The following WWC2 variants were observed in gnomAD, a reference collection of about 807,000 sequenced individuals.
WWC2 encodes protein WWC2.
WWC2 carries 101 observed loss-of-function variants against 138.5 expected under a neutral mutation model. The observed-to-expected ratio is 0.73, with a 90% confidence interval of 0.62 to 0.86. The LOEUF (loss-of-function observed/expected upper bound fraction) is 0.86. Ranked by LOEUF, WWC2 falls within the 40% of genes least tolerant of loss-of-function variation. The probability of loss-of-function intolerance (pLI) is 0.00; values close to 1 mark genes in which losing one functional copy is unlikely to be tolerated. For missense variants in WWC2, 1,420 were observed against 1,419.4 expected, an observed-to-expected ratio of 1.00 and a Z score of -0.01; for synonymous variants, 558 against 538.4, an observed-to-expected ratio of 1.04 and a Z score of -0.50.
chr4:183,255,264 A>G lies in WWC2; in HGVS notation c.1196+1265A>G, dbSNP rs964083754. 2.0e-5 allele frequency among the ~76,000 whole-genome samples: 3 copies of G among 152,238 alleles called. No homozygotes were observed. The East Asian group carries it at 5.8e-4, about 29-fold the overall frequency. ...GTCTAATTTTGCTGACCAAACGGTCAGCCTGAGGGAAGTGTCAGCCAGGCT... is the reference window on the plus strand; with the variant it reads ...GTCTAATTTTGCTGACCAAACGGTCGGCCTGAGGGAAGTGTCAGCCAGGCT... On this transcript the variant is annotated intron_variant, in intron 9 of 22. Coordinates refer to ENST00000403733, the MANE Select transcript of WWC2 (RefSeq NM_024949.6).
In WWC2 at chr4:183,268,878, AT is replaced by A; in HGVS notation, c.2208-89del. ...TTGATCTTGAACTCCACGATCCCTC[AT>A]TTTCTCTCTTTGCAGATAATTTCAA... On this transcript the variant is annotated intron_variant, in intron 14 of 22. Transcript: ENST00000403733. The A allele has an allele frequency of 8.3e-6, 11 of 1,320,180 alleles. No homozygotes were observed. In the South Asian group the frequency reaches 1.5e-4, roughly 18 times the overall value. 81.8% of individuals were successfully genotyped at this position (1,320,180 alleles called of 1,614,324 possible). A position where few individuals can be genotyped will look rare whatever the true frequency, so the allele number is the denominator to read the frequency against.
At chr4:183,265,595 G>A in intron 12 of WWC2, 93 bp from the exon 13 acceptor site, 2 of 1,315,006 alleles carry the variant, frequency 1.5e-6, no homozygotes, top group Admixed American at 4.0e-5. Context: ...TGTTAATTTG[G>A]ATTTTCATTC....
At chr4:183,285,695 G>T (rs1288713560) in intron 19 of WWC2, among the ~76,000 whole-genome samples, 1 of 152,102 alleles carries the variant, frequency 6.6e-6, no homozygotes, top group Admixed American at 6.5e-5. Context: ...AGGTGGCAGA[G>T]GTTGCAATGA....
intron 16 of WWC2, among the ~76,000 whole-genome samples, chr4:183,278,597 T>C (rs1266729900): frequency 6.6e-6 from 1 of 151,778 alleles, no homozygotes. Flanking sequence ...ATATTGATTC[T>C]TCCTACCCAT....
intron 16 of WWC2, among the ~76,000 whole-genome samples, chr4:183,280,407 T>TTA (rs1173982715): frequency 2.8e-4 from 43 of 152,016 alleles, no homozygotes; most frequent in Non-Finnish European, 7.4e-5. Context: ...GAACTCAATT[T>TTA]TAGTCTTCAT....
chr4:183,231,160 G>C (rs748689584), intron 4 of WWC2, among the ~76,000 whole-genome samples: 1 of 151,504 alleles, frequency 6.6e-6, no homozygotes, highest in Non-Finnish European at 1.5e-5. Context: ...AATAGCTAAG[G>C]TGGGCTTATC....
chr4:183,237,497 C>T (rs773351616), intron 4 of WWC2, among the ~76,000 whole-genome samples: 7 of 152,220 alleles, frequency 4.6e-5, no homozygotes, highest in Non-Finnish European at 1.0e-4. Flanking sequence ...ATTCATATTA[C>T]ACCACCTTTA....
At chr4:183,205,485 G>T (rs1735423076) in intron 2 of WWC2, among the ~76,000 whole-genome samples, 2 of 152,112 alleles carry the variant, frequency 1.3e-5, no homozygotes, top group Non-Finnish European at 2.9e-5. Context: ...TTTTTCTCCA[G>T]ATTATGGGCC....
intron 21 of WWC2, among the ~76,000 whole-genome samples, chr4:183,303,049 A>G (rs891520637): frequency 5.7e-5 from 8 of 139,304 alleles, no homozygotes; most frequent in African/African-American, 2.2e-4. Flanking sequence ...TGACAGAGCG[A>G]GACTCCATCT....
intron 1 of WWC2, among the ~76,000 whole-genome samples, chr4:183,145,548 T>A (rs1733429334): frequency 6.6e-6 from 1 of 152,188 alleles, no homozygotes; most frequent in Non-Finnish European, 1.5e-5. Flanking sequence ...GTGGTCACAA[T>A]ATAGCCACAT....
chr4:183,149,530 GA>G (rs1432334426), intron 1 of WWC2, among the ~76,000 whole-genome samples: 1 of 151,826 alleles, frequency 6.6e-6, no homozygotes, highest in African/African-American at 2.4e-5. Context: ...GCTGAGGCAG[GA>G]GAATCGCTTG....
chr4:183,195,026 T>TAATATCTAATA (rs1735097445), intron 2 of WWC2, among the ~76,000 whole-genome samples: 1 of 152,232 alleles, frequency 6.6e-6, no homozygotes, highest in Admixed American at 6.5e-5. Context: ...TTAAGTTAGC[T>TAATATCTAATA]TTTAATTTTT....
chr4:183,185,412 A>T (rs1176286127), intron 1 of WWC2, among the ~76,000 whole-genome samples: 1 of 152,216 alleles, frequency 6.6e-6, no homozygotes, highest in Non-Finnish European at 1.5e-5. Context: ...TAAAGCATAC[A>T]GTTTTGCCTA....
At chr4:183,119,396 C>T (rs999448629) in intron 1 of WWC2, among the ~76,000 whole-genome samples, 2 of 152,090 alleles carry the variant, frequency 1.3e-5, no homozygotes, top group Non-Finnish European at 2.9e-5. Context: ...TGCCCTTTGT[C>T]CTCTTCCTGC....
intron 1 of WWC2, among the ~76,000 whole-genome samples, chr4:183,170,729 G>A (rs1315223602): frequency 6.6e-6 from 1 of 152,046 alleles, no homozygotes; most frequent in Non-Finnish European, 1.5e-5. Context: ...ACAGGGTCTC[G>A]CTCTGCCAGC....
intron 1 of WWC2, among the ~76,000 whole-genome samples, chr4:183,181,602 A>G (rs895898958): frequency 6.6e-6 from 1 of 151,864 alleles, no homozygotes; most frequent in Admixed American, 6.6e-5. Flanking sequence ...AGCTTAGTTT[A>G]TTGTAAGGAT....
chr4:183,148,508 T>C (rs1733538354), intron 1 of WWC2, among the ~76,000 whole-genome samples: 1 of 152,220 alleles, frequency 6.6e-6, no homozygotes, highest in African/African-American at 2.4e-5. Context: ...TCTATGAGTA[T>C]GTTCCCTGCT....
chr4:183,225,302 A>C (rs1560852613), intron 4 of WWC2, among the ~76,000 whole-genome samples: 1 of 152,240 alleles, frequency 6.6e-6, no homozygotes, highest in African/African-American at 2.4e-5. Flanking sequence ...CTGAACATCC[A>C]CAAATAGGCA....
At chr4:183,244,419 G>A (rs1467896334) in intron 5 of WWC2, among the ~76,000 whole-genome samples, 1 of 152,108 alleles carries the variant, frequency 6.6e-6, no homozygotes. Context: ...AGCTCTGCAG[G>A]GATAATAAAT....
Sources: gnomAD v4.1 joint callset for allele counts (sites outside exome capture counted in the v4.1 genomes callset) on GRCh38, gnomAD v4.1.1 for gene constraint, MANE v1.5 for transcripts, NCBI Gene and HGNC (gene_info 2026-07-23, HGNC 2026-07-21) for gene names.